The following TMEM43 variants were observed in gnomAD, a reference collection of about 807,000 sequenced individuals.
The protein encoded by TMEM43 is transmembrane protein 43.
Under a neutral mutation model 49.6 loss-of-function variants are expected in TMEM43, and 45 were observed. The ratio of observed to expected loss-of-function variants is 0.91; its 90% confidence interval spans 0.71 to 1.16. The LOEUF (loss-of-function observed/expected upper bound fraction) is 1.16. TMEM43 is among the 50% of genes most tolerant of loss of function. The pLI is 0.00. For synonymous variants in TMEM43, 199 were observed against 207.8 expected (o/e 0.96, Z 0.36); for missense variants, 532 against 516.6 (o/e 1.03, Z -0.29).
chr3:14,129,947 C>G (rs1482267729), intron 2 of TMEM43, among the ~76,000 whole-genome samples: 1 of 152,170 alleles, frequency 6.6e-6, no homozygotes, highest in Non-Finnish European at 1.5e-5. Context: ...CTACATCCAA[C>G]CACTTAGCCC....
At chr3:14,130,499 TAAAAA>T (rs903396272) in intron 2 of TMEM43, among the ~76,000 whole-genome samples, 2 of 151,210 alleles carry the variant, frequency 1.3e-5, no homozygotes, top group African/African-American at 2.4e-5. Flanking sequence ...AAAATAAAAT[TAAAAA>T]AAAGAAGGCA....
rs768243187 is a variant in TMEM43 at position 14,141,732 on chromosome 3, C to CG, written c.1142dup (p.Leu382ProfsTer42). ...GACCCCTGTGGGCCCTCCTCATTGC[C>CG]GGCCTGGCCCTTGTGCCCATCCTTG... On this transcript the variant is annotated frameshift_variant, in exon 12 of 12. Coordinates refer to ENST00000306077, the MANE Select transcript of TMEM43 (RefSeq NM_024334.3). LOFTEE classifies it high-confidence loss of function. The CG allele has an allele frequency of 2.5e-6, 4 of 1,614,198 alleles. No individual in the cohort carries two copies. The highest frequency in any genetic ancestry group is 3.4e-6 in the Non-Finnish European group (4 of 1,180,028).
rs754236206 is a variant in TMEM43, at chr3:14,141,682, G to A, written c.1090G>A (p.Val364Met). 8.1e-6 allele frequency: 13 copies of A among 1,614,166 alleles called. No individual in the cohort carries two copies. In the East Asian group the frequency reaches 1.3e-4, roughly 17 times the overall value. The change falls in exon 12 of 12, where the codon GTG becomes ATG. Residue 364 changes from valine (V) to methionine (M), a missense_variant. By Grantham distance (21) the Val-to-Met change is conservative. Transcript: ENST00000306077. ...CVATSLTLLT[V>M]AAGWLFYRPL... ...GGCCACCTCGCTGACCCTGCTGACC[G>A]TGGCGGCTGGCTGGCTCTTCTACCG...
At chr3:14,136,221 A>G (rs1695168211) in intron 10 of TMEM43, among the ~76,000 whole-genome samples, 1 of 152,248 alleles carries the variant, frequency 6.6e-6, no homozygotes, top group South Asian at 2.1e-4. Context: ...ATTTTATACA[A>G]TGCAACCCGT....
intron 9 of TMEM43, 49 bp downstream of exon 9, chr3:14,135,281 T>C (rs1695153751): frequency 6.7e-7 from 1 of 1,496,266 alleles, no homozygotes; most frequent in Non-Finnish European, 9.2e-7. Context: ...CTCACGACTT[T>C]CCTGGACACA....
chr3:14,143,116 G>A lies in TMEM43; in HGVS notation c.*1321G>A, dbSNP rs1695274413. ...CACACCTAAGTCACAGAATTTCTAA[G>A]TTCCCCAACTACTCTCACACCCTTT... On this transcript the variant is annotated 3_prime_UTR_variant, in exon 12 of 12. Transcript: ENST00000306077. 6.6e-6 allele frequency: 1 copy of A among 152,174 alleles called. No homozygotes were observed. The highest frequency in any genetic ancestry group is 6.5e-5 in the Admixed American group (1 of 15,280). The allele number at this position is 152,174 out of a possible 1,614,324, so 9.4% of individuals were successfully genotyped here.
chr3:14,130,798 A>G (rs1487636552), intron 2 of TMEM43, 24 bp from the exon 3 acceptor site: 1 of 1,612,926 alleles, frequency 6.2e-7, no homozygotes, highest in Admixed American at 1.7e-5. Flanking sequence ...AGCTGTTGAA[A>G]TCCCCACTCC....
chr3:14,141,180 TA>T (rs1695240933), intron 11 of TMEM43, among the ~76,000 whole-genome samples: 2 of 152,214 alleles, frequency 1.3e-5, no homozygotes, highest in East Asian at 3.9e-4. Context: ...CCAACACCTC[TA>T]GGAATGGCTG....
rs144334386 is a variant in TMEM43 at position 14,129,520 on chromosome 3, A to G, written c.121A>G (p.Met41Val). ...ETSGGMFVGL[M>V]AFLLSFYLIF... ...CTCGGGTGGGATGTTTGTGGGGCTCATGGCCTTCCTGCTCTCCTTCTACCT... is the reference window on the plus strand; with the variant it reads ...CTCGGGTGGGATGTTTGTGGGGCTCGTGGCCTTCCTGCTCTCCTTCTACCT... Residue 41 changes from methionine (M) to valine (V), a missense_variant, in exon 2 of 12, where the codon ATG (methionine) becomes GTG (valine). Met to Val is a conservative substitution (Grantham distance 21). Transcript: ENST00000306077. 5.8e-5 allele frequency: 94 copies of G among 1,613,526 alleles called. No individual in the cohort carries two copies. The highest frequency in any genetic ancestry group is 7.8e-5 in the Non-Finnish European group (92 of 1,179,596).
intron 8 of TMEM43, 113 bp downstream of exon 8, chr3:14,135,004 AGCT>A: frequency 6.4e-7 from 1 of 1,551,956 alleles, no homozygotes; most frequent in Non-Finnish European, 8.9e-7. Flanking sequence ...GGCCAAGTGC[AGCT>A]GAGTGGGAGA....
rs147319971 is a variant in TMEM43 at position 14,130,924 on chromosome 3, G to C, written c.265G>C (p.Val89Leu). The C allele has an allele frequency of 1.9e-6, 3 of 1,613,100 alleles. No individual in the cohort carries two copies. The African/African-American group carries it at 4.0e-5, about 22-fold the overall frequency. The change falls in exon 3 of 12, where the codon GTG becomes CTG. Residue 89 changes from valine (V) to leucine (L), a missense_variant. Physicochemically the swap from Val to Leu is conservative, Grantham distance 32 (BLOSUM62 1). Transcript: ENST00000306077. ...GGCTCCGGAGAATGAAGGAAGGCTG[G>C]TGCACATCATTGGCGCCTTACGGAC... is the stretch of plus-strand genomic sequence containing the variant. ...SVAPENEGRL[V>L]HIIGALRTSK...
intron 2 of TMEM43, among the ~76,000 whole-genome samples, chr3:14,130,577 G>A (rs1215726073): frequency 1.3e-5 from 2 of 152,176 alleles, no homozygotes; most frequent in Non-Finnish European, 2.9e-5. Context: ...CACTGGGGCA[G>A]TGCTAAGATT....
chr3:14,129,630 C>T (rs1574936761), intron 2 of TMEM43, 69 bp downstream of exon 2: 1 of 1,572,292 alleles, frequency 6.4e-7, no homozygotes, highest in East Asian at 2.2e-5. Context: ...AGGCGATGAA[C>T]CCGGAGGCTG....
At chr3:14,134,652 G>T (rs1695142392) in intron 7 of TMEM43, 118 bp from the exon 8 acceptor site, 2 of 1,339,274 alleles carry the variant, frequency 1.5e-6, no homozygotes, top group Non-Finnish European at 2.1e-6. Context: ...GGCACTGCAG[G>T]TGGGAGTGCC....
intron 11 of TMEM43, among the ~76,000 whole-genome samples, chr3:14,139,961 C>T (rs959206504): frequency 1.3e-5 from 2 of 152,130 alleles, no homozygotes; most frequent in Non-Finnish European, 2.9e-5. Flanking sequence ...TGGGGTTCCT[C>T]GGAGGACTCT....
rs1244674448 is a variant in TMEM43 at position 14,141,849 on chromosome 3, T to C, written c.*54T>C. On this transcript the variant is annotated 3_prime_UTR_variant, in exon 12 of 12. Transcript: ENST00000306077. ...CGTGAGCCCTAGGATCCAGGTCCTCTCTCACCTCTGACCCAGCTCCATGCC... is the reference window on the plus strand; with the variant it reads ...CGTGAGCCCTAGGATCCAGGTCCTCCCTCACCTCTGACCCAGCTCCATGCC... The C allele has an allele frequency of 2.6e-6, 4 of 1,548,326 alleles. No homozygotes were observed. In the East Asian group the frequency reaches 9.4e-5, roughly 36 times the overall value.
At chr3:14,131,003 C>T in intron 3 of TMEM43, 47 bp downstream of exon 3, 1 of 1,583,614 alleles carries the variant, frequency 6.3e-7, no homozygotes, top group South Asian at 1.1e-5. Context: ...CGGGGCTCAT[C>T]CTGGATGTTG....
intron 11 of TMEM43, 25 bp downstream of exon 11, chr3:14,139,322 C>T: frequency 6.5e-7 from 1 of 1,528,744 alleles, no homozygotes; most frequent in South Asian, 1.1e-5. Flanking sequence ...GGGTCACTGC[C>T]CTCCCTCCTG....
chr3:14,130,738 A>T, intron 2 of TMEM43, 84 bp from the exon 3 acceptor site: 4 of 1,537,122 alleles, frequency 2.6e-6, no homozygotes, highest in Non-Finnish European at 2.6e-6. Flanking sequence ...CGGAGGCCCC[A>T]TCCTACCCTA....
Sources: allele counts gnomAD v4.1 joint callset (sites outside exome capture counted in the v4.1 genomes callset), GRCh38; gene constraint gnomAD v4.1.1; transcripts MANE v1.5; gene names NCBI Gene and HGNC (gene_info 2026-07-23, HGNC 2026-07-21).